Variants in HYAL4 observed in about 807,000 individuals in gnomAD.
The protein encoded by HYAL4 is hyaluronidase 4, also known as hyaluronidase-4.
A neutral mutation model predicts 35.2 loss-of-function variants in HYAL4; 37 were observed. The observed-to-expected ratio is 1.05, with a 90% confidence interval of 0.81 to 1.38. The LOEUF (loss-of-function observed/expected upper bound fraction) is 1.38, where lower values mean the gene tolerates loss of function less well. Among genes scored for constraint, HYAL4 ranks in the 40% most tolerant of loss-of-function variants. HYAL4 has a pLI of 0.00. For synonymous variants in HYAL4, 198 were observed against 203.2 expected (o/e 0.97, Z 0.22); for missense variants, 572 against 572.4 (o/e 1.00, Z 0.01).
chr7:123,798,309 C>A, the HYAL4 span, among the ~76,000 whole-genome samples: 2 of 152,172 alleles, frequency 1.3e-5, no homozygotes, highest in African/African-American at 4.8e-5. Context: ...AGCCTCCACC[C>A]TTCTACTTGC....
chr7:123,834,014 A>ACC (rs1805923221), intron 1 of HYAL4, among the ~76,000 whole-genome samples: 1 of 152,096 alleles, frequency 6.6e-6, no homozygotes, highest in Non-Finnish European at 1.5e-5. Context: ...GAAATCAGGT[A>ACC]GTGTGATGCT....
chr7:123,864,404 C>G (rs1430762089), intron 2 of HYAL4, among the ~76,000 whole-genome samples: 1 of 152,140 alleles, frequency 6.6e-6, no homozygotes, highest in East Asian at 1.9e-4. Context: ...GGTTAAATTC[C>G]TCATTCACTT....
intron 2 of HYAL4, among the ~76,000 whole-genome samples, chr7:123,860,356 A>G (rs1384207101): frequency 6.6e-6 from 1 of 152,080 alleles, no homozygotes; most frequent in Non-Finnish European, 1.5e-5. Flanking sequence ...TACACAAATT[A>G]TTATACTGTG....
At chr7:123,864,459 G>A (rs906012241) in intron 2 of HYAL4, among the ~76,000 whole-genome samples, 1 of 152,130 alleles carries the variant, frequency 6.6e-6, no homozygotes, top group Non-Finnish European at 1.5e-5. Flanking sequence ...TTGTCATTTA[G>A]AGGTTTGTTT....
At chr7:123,786,743 T>G in the HYAL4 span, among the ~76,000 whole-genome samples, 1 of 151,906 alleles carries the variant, frequency 6.6e-6, no homozygotes, top group Admixed American at 6.6e-5. Flanking sequence ...TCTATCTATC[T>G]ATCTATCTAT....
At chr7:123,860,395 A>ATG (rs1584921323) in intron 2 of HYAL4, among the ~76,000 whole-genome samples, 4 of 152,102 alleles carry the variant, frequency 2.6e-5, no homozygotes, top group South Asian at 2.1e-4. Context: ...GTGTATGTGT[A>ATG]TGTGTGTGTG....
chr7:123,861,054 G>A (rs1321407506), intron 2 of HYAL4, among the ~76,000 whole-genome samples: 1 of 152,114 alleles, frequency 6.6e-6, no homozygotes, highest in African/African-American at 2.4e-5. Flanking sequence ...CCTCTCAAAT[G>A]TTTGCCTTTC....
At chr7:123,849,625 A>C (rs1806257310) in intron 2 of HYAL4, among the ~76,000 whole-genome samples, 1 of 152,130 alleles carries the variant, frequency 6.6e-6, no homozygotes, top group Non-Finnish European at 1.5e-5. Flanking sequence ...TTAAAACAAT[A>C]TACATAAACA....
intron 2 of HYAL4, among the ~76,000 whole-genome samples, chr7:123,856,957 G>C (rs769440234): frequency 5.9e-5 from 9 of 152,226 alleles, no homozygotes; most frequent in Middle Eastern, 3.4e-3. Context: ...CACCCATTTC[G>C]AACTTCCCAG....
At chr7:123,789,708 A>G in the HYAL4 span, among the ~76,000 whole-genome samples, 1 of 152,164 alleles carries the variant, frequency 6.6e-6, no homozygotes, top group African/African-American at 2.4e-5. Flanking sequence ...TAGCTCAGCT[A>G]TTGGATTAGT....
chr7:123,764,214 A>G, the HYAL4 span, among the ~76,000 whole-genome samples: 7 of 152,152 alleles, frequency 4.6e-5, no homozygotes, highest in Non-Finnish European at 8.8e-5. Context: ...GGCTCAAGCA[A>G]TCCTCCCACT....
intron 2 of HYAL4, among the ~76,000 whole-genome samples, chr7:123,849,546 A>C (rs1156989871): frequency 2.6e-5 from 4 of 152,042 alleles, no homozygotes; most frequent in African/African-American, 7.2e-5. Context: ...AAGTGATTGG[A>C]CCATTTTGGC....
the HYAL4 span, among the ~76,000 whole-genome samples, chr7:123,787,136 A>G: frequency 7.6e-6 from 1 of 132,390 alleles, no homozygotes; most frequent in Non-Finnish European, 1.7e-5. Context: ...AAGAAAAAGA[A>G]AAAAAAAGCT....
At chr7:123,798,598 A>G in the HYAL4 span, among the ~76,000 whole-genome samples, 26 of 152,336 alleles carry the variant, frequency 1.7e-4, 1 homozygote, top group South Asian at 6.2e-4. Context: ...GGGTGTGTCA[A>G]TCACGTTCAC....
At chr7:123,804,186 T>C in the HYAL4 span, among the ~76,000 whole-genome samples, 3 of 152,322 alleles carry the variant, frequency 2.0e-5, no homozygotes, top group South Asian at 2.1e-4. Context: ...ATGGCATATA[T>C]AGTGTGACAC....
chr7:123,821,432 T>TA, the HYAL4 span, among the ~76,000 whole-genome samples: 1 of 152,208 alleles, frequency 6.6e-6, no homozygotes, highest in African/African-American at 2.4e-5. Context: ...ATATACCTGT[T>TA]AGCTCTTTGT....
the HYAL4 span, among the ~76,000 whole-genome samples, chr7:123,787,749 T>G: frequency 6.6e-6 from 1 of 152,054 alleles, no homozygotes; most frequent in East Asian, 1.9e-4. Flanking sequence ...TCCCTAAGAG[T>G]TCAGTGTGTG....
At chr7:123,784,023 T>A in the HYAL4 span, among the ~76,000 whole-genome samples, 1 of 152,232 alleles carries the variant, frequency 6.6e-6, no homozygotes, top group East Asian at 1.9e-4. Context: ...AAGTACTTAG[T>A]CACTGTGTAC....
chr7:123,770,411 A>C, the HYAL4 span, among the ~76,000 whole-genome samples: 10 of 149,402 alleles, frequency 6.7e-5, no homozygotes, highest in South Asian at 2.1e-4. Flanking sequence ...CACTGCACTC[A>C]AGCCTGGGCG....
Sources: allele counts gnomAD v4.1 joint callset (sites outside exome capture counted in the v4.1 genomes callset), GRCh38; gene constraint gnomAD v4.1.1; transcripts MANE v1.5; gene names NCBI Gene and HGNC (gene_info 2026-07-23, HGNC 2026-07-21).